Variants in GDPD5 observed in about 807,000 individuals in gnomAD.
GDPD5 encodes the protein glycerophosphodiester phosphodiesterase domain containing 5.
GDPD5 carries 48 observed loss-of-function variants against 75.1 expected under a neutral mutation model. That is an observed-to-expected ratio of 0.64 (90% CI 0.51 to 0.81). GDPD5 has a LOEUF of 0.81. Ranked by LOEUF, GDPD5 falls within the 40% of genes least tolerant of loss-of-function variation. GDPD5 has a pLI of 0.00. For synonymous variants in GDPD5, 336 were observed against 339.0 expected, an observed-to-expected ratio of 0.99 and a Z score of 0.10; for missense variants, 706 against 822.6, an observed-to-expected ratio of 0.86 and a Z score of 1.73.
At chr11:75,500,534 C>G (rs1224549637) in intron 1 of GDPD5, among the ~76,000 whole-genome samples, 3 of 152,158 alleles carry the variant, frequency 2.0e-5, no homozygotes, top group Non-Finnish European at 4.4e-5. Context: ...CTGCTGCTCT[C>G]AATCCTAAGC....
At chr11:75,444,334 G>C in intron 10 of GDPD5, 79 bp downstream of exon 10, 4 of 1,033,776 alleles carry the variant, frequency 3.9e-6, no homozygotes. Context: ...GAGACCAGAG[G>C]TTCCCCCAGC....
At chr11:75,441,546 GT>G in intron 13 of GDPD5, 99 bp downstream of exon 13, 12 of 388,548 alleles carry the variant, frequency 3.1e-5, no homozygotes, top group South Asian at 4.4e-5. Context: ...GCCCGACCGT[GT>G]GTGTGTGTGT....
intron 1 of GDPD5, among the ~76,000 whole-genome samples, chr11:75,515,618 T>C (rs909860678): frequency 2.6e-5 from 4 of 152,188 alleles, no homozygotes; most frequent in African/African-American, 9.6e-5. Flanking sequence ...CCCAGAACTG[T>C]GGCAATGACT....
At chr11:75,495,094 C>T (rs1386270588) in intron 1 of GDPD5, among the ~76,000 whole-genome samples, 1 of 151,952 alleles carries the variant, frequency 6.6e-6, no homozygotes, top group Non-Finnish European at 1.5e-5. Context: ...GATGAAACCC[C>T]GTCTCTACTA....
intron 3 of GDPD5, among the ~76,000 whole-genome samples, chr11:75,473,828 A>T (rs1056558571): frequency 6.6e-6 from 1 of 152,148 alleles, no homozygotes; most frequent in African/African-American, 2.4e-5. Flanking sequence ...CGATACTCCC[A>T]GAGGCCAGCT....
rs532608255 is a variant in GDPD5 at position 75,441,165 on chromosome 11, T to A, written c.1471A>T (p.Met491Leu). 3.2e-5 allele frequency: 52 copies of A among 1,613,482 alleles called. No homozygotes were observed. The South Asian group carries it at 5.4e-4, about 17-fold the overall frequency. ...LSQVPSPLWI[M>L]PPDEYCLMWV... ...GGGCCCTCTGCCCCCCAACTCACCA[T>A]GATCCAGAGGGGGGAAGGCACCTGG... The change falls in exon 14 of 17, where the codon ATG becomes TTG. Residue 491 changes from methionine (M) to leucine (L), a missense_variant and splice_region_variant. Physicochemically the swap from Met to Leu is conservative, Grantham distance 15. Coordinates refer to ENST00000336898, the MANE Select transcript of GDPD5 (RefSeq NM_030792.8).
chr11:75,507,716 TG>T (rs775297703), intron 1 of GDPD5, among the ~76,000 whole-genome samples: 13 of 152,346 alleles, frequency 8.5e-5, no homozygotes, highest in South Asian at 2.1e-4. Flanking sequence ...AGCACACACA[TG>T]GTCTGGAGAG....
rs745329093 is a variant in GDPD5, at chr11:75,443,280, G to A, written c.804C>T (p.Asp268=). Residue 268 remains aspartate (D), a synonymous_variant, in exon 11 of 17, where the codon GAC becomes GAT. Coordinates refer to ENST00000336898, the MANE Select transcript of GDPD5 (RefSeq NM_030792.8). ...GLQADITISL[D]GVPFLMHDTT... The stretch of plus-strand genomic sequence containing the variant: ...TGTCATGCATGAGGAAGGGCACGCC[G>A]TCCAGGCTGCAGGGAGGGTGGGGCC... 16 of 1,607,464 alleles carry A rather than the reference G, an allele frequency of 1.0e-5. No individual in the cohort carries two copies. The highest frequency in any genetic ancestry group is 7.8e-5 in the South Asian group (7 of 89,508).
intron 9 of GDPD5, chr11:75,448,445 C>G: frequency 1.0e-6 from 1 of 982,118 alleles, no homozygotes; most frequent in Non-Finnish European, 1.2e-6. Context: ...AGGAGCTGTG[C>G]TGGGATGCTA....
rs943566488 is a variant in GDPD5 at position 75,449,497 on chromosome 11, C to A, written c.568+20G>T. The stretch of plus-strand genomic sequence containing the variant: ...CACCTGCAGGGATTGGAGGGGCAGG[C>A]CCTTCACAGTTCTACTCACAGGTCC... On this transcript the variant is annotated intron_variant, in intron 8 of 16. Coordinates refer to ENST00000336898, the MANE Select transcript of GDPD5 (RefSeq NM_030792.8). The A allele has an allele frequency of 2.2e-5, 34 of 1,547,290 alleles. No individual in the cohort carries two copies. The highest frequency in any genetic ancestry group is 3.0e-5 in the Non-Finnish European group (34 of 1,141,426).
At chr11:75,496,458 A>G in intron 1 of GDPD5, among the ~76,000 whole-genome samples, 1 of 152,274 alleles carries the variant, frequency 6.6e-6, no homozygotes, top group Non-Finnish European at 1.5e-5. Context: ...AGGCAGGTCA[A>G]CATCTTCCTA....
intron 1 of GDPD5, among the ~76,000 whole-genome samples, chr11:75,509,386 CTATTGCTCTGGCCTGGATAAAAT>C (rs1169503953): frequency 2.6e-5 from 4 of 152,178 alleles, no homozygotes; most frequent in Non-Finnish European, 1.5e-5. Context: ...TCAGAGGCTC[CTATTGCTCTGGCCTGGATAAAAT>C]GTACCAGCAG....
At chr11:75,485,270 C>T (rs1379838831) in intron 2 of GDPD5, 1 of 152,150 alleles carries the variant, frequency 6.6e-6, no homozygotes, top group East Asian at 1.9e-4. Context: ...GGACATGTGT[C>T]AAACCCCATA....
chr11:75,445,617 G>C (rs1348022916), intron 9 of GDPD5, among the ~76,000 whole-genome samples: 3 of 152,182 alleles, frequency 2.0e-5, no homozygotes, highest in Admixed American at 6.5e-5. Flanking sequence ...TCAGTGAAGA[G>C]GTGAGGTGGG....
chr11:75,444,451 C>T lies in GDPD5; in HGVS notation c.759G>A (p.Glu253=). The T allele has an allele frequency of 6.2e-7, 1 of 1,613,890 alleles. No individual in the cohort carries two copies. Among genetic ancestry groups the T allele is most frequent in the Middle Eastern group, 1.7e-4 (1 of 6,042 alleles). The part of the protein sequence containing the change: ...HTLMSFRKAL[E]QKLYGLQADI... Reference sequence around the variant, plus strand: ...CAGCCTGGAGCCCGTACAGCTTCTGCTCGAGGGCCTTCCGGAAGGACATGA... The same window carrying T: ...CAGCCTGGAGCCCGTACAGCTTCTGTTCGAGGGCCTTCCGGAAGGACATGA... The change falls in exon 10 of 17, where the codon GAG becomes GAA. Residue 253 remains glutamate, a synonymous_variant. Coordinates refer to ENST00000336898, the MANE Select transcript of GDPD5 (RefSeq NM_030792.8).
chr11:75,449,875 C>A lies in GDPD5; in HGVS notation c.474+10G>T, dbSNP rs774273763. The A allele has an allele frequency of 3.1e-5, 50 of 1,612,218 alleles. No homozygotes were observed. The highest frequency in any genetic ancestry group is 3.9e-5 in the Non-Finnish European group (46 of 1,178,778). On this transcript the variant is annotated intron_variant, in intron 7 of 16. Coordinates refer to ENST00000336898, the MANE Select transcript of GDPD5 (RefSeq NM_030792.8). ...TGTTGTGAGGGTCCTGGGGGACCCT[C>A]CTCACTCACCTGCAGGGAGATCAGC...
At chr11:75,459,594 G>A (rs888119410) in intron 4 of GDPD5, among the ~76,000 whole-genome samples, 9 of 151,992 alleles carry the variant, frequency 5.9e-5, no homozygotes, top group African/African-American at 9.7e-5. Context: ...AGGCTGAGGC[G>A]GGCAGATCAC....
Position 75,458,116 on chromosome 11 carries a change from C to T in GDPD5, c.222-330G>A, listed in dbSNP as rs989839882. ...TGTATAAACAGCAAAGCCAGGACCC[C>T]GCTGCACAAAGCAACACGGTCAGGA... is the stretch of plus-strand genomic sequence containing the variant. On this transcript the variant is annotated intron_variant, in intron 4 of 16. Transcript: ENST00000336898. Among the ~76,000 whole-genome samples the T allele has an allele frequency of 1.1e-4, 16 of 152,326 alleles. 1 individual carries two copies. Among genetic ancestry groups the T allele is most frequent in the Middle Eastern group, 6.8e-3 (2 of 294 alleles).
At chr11:75,439,473 T>C in intron 15 of GDPD5, 1 of 410,128 alleles carries the variant, frequency 2.4e-6, no homozygotes, top group Non-Finnish European at 5.0e-6. Flanking sequence ...CCCAGCCCCT[T>C]GGTTCCTGGC....
Sources: allele counts gnomAD v4.1 joint callset (sites outside exome capture counted in the v4.1 genomes callset), GRCh38; gene constraint gnomAD v4.1.1; transcripts MANE v1.5; gene names NCBI Gene and HGNC (gene_info 2026-07-23, HGNC 2026-07-21).